HS3ST5: variants seen among roughly 807,000 people sequenced by gnomAD.
HS3ST5 encodes heparan sulfate glucosamine 3-O-sulfotransferase 5.
A neutral mutation model predicts 25.4 loss-of-function variants in HS3ST5; 10 were observed. That is an observed-to-expected ratio of 0.39 (90% CI 0.24 to 0.67). The LOEUF (loss-of-function observed/expected upper bound fraction) is 0.67. HS3ST5 is among the 30% of genes least tolerant of loss of function. The pLI is 0.44. For synonymous variants in HS3ST5, 170 were observed against 162.4 expected (o/e 1.05, Z -0.36); for missense variants, 324 against 420.7 (o/e 0.77, Z 2.01).
intron 2 of HS3ST5, among the ~76,000 whole-genome samples, chr6:114,184,718 G>C (rs1780136062): frequency 6.6e-6 from 1 of 152,240 alleles, no homozygotes; most frequent in African/African-American, 2.4e-5. Flanking sequence ...CTCCCTGCCA[G>C]GTAGAACCAT....
chr6:114,247,480 C>T (rs1205523630), intron 1 of HS3ST5, among the ~76,000 whole-genome samples: 1 of 151,982 alleles, frequency 6.6e-6, no homozygotes, highest in Non-Finnish European at 1.5e-5. Context: ...GAGACTAGTC[C>T]AAGAAACAAG....
intron 1 of HS3ST5, among the ~76,000 whole-genome samples, chr6:114,296,596 A>C (rs1056830541): frequency 2.6e-5 from 4 of 152,190 alleles, no homozygotes; most frequent in African/African-American, 9.7e-5. Context: ...TATTCATTTT[A>C]TCTTCAACAT....
At chr6:114,093,603 C>G (rs1169137650) in intron 3 of HS3ST5, among the ~76,000 whole-genome samples, 1 of 152,014 alleles carries the variant, frequency 6.6e-6, no homozygotes, top group African/African-American at 2.4e-5. Context: ...CATCTTTCTC[C>G]TTTTCTTTTC....
intron 3 of HS3ST5, among the ~76,000 whole-genome samples, chr6:114,140,727 T>A (rs1302789622): frequency 6.6e-6 from 1 of 152,198 alleles, no homozygotes; most frequent in Non-Finnish European, 1.5e-5. Flanking sequence ...TGCTCTGAGA[T>A]TGAGCCACAA....
At position 114,338,976 on chromosome 6, in the gene HS3ST5, A is replaced by T. The variant is rs185146826; in HGVS notation, c.-339+3219T>A. Among the ~76,000 whole-genome samples the T allele has an allele frequency of 1.7e-3, 265 of 152,268 alleles. 4 individuals carry two copies. The Middle Eastern group carries it at 0.054, about 31-fold the overall frequency. ...AAAGGATTTAAATGATTTGAAATCTATGGCTTAAACAATTTCCTTAACTTG... is the reference window on the plus strand; with the variant it reads ...AAAGGATTTAAATGATTTGAAATCTTTGGCTTAAACAATTTCCTTAACTTG... On this transcript the variant is annotated intron_variant, in intron 1 of 4. Transcript: ENST00000312719.
chr6:114,317,360 A>G (rs1211139929), intron 1 of HS3ST5, among the ~76,000 whole-genome samples: 1 of 152,122 alleles, frequency 6.6e-6, no homozygotes, highest in Non-Finnish European at 1.5e-5. Context: ...TAACAAGGGT[A>G]ATCGTTAACA....
In HS3ST5 at chr6:114,228,408, T is replaced by C. The variant is rs1027312272; in HGVS notation, c.-145+177A>G. 8.5e-5 allele frequency among the ~76,000 whole-genome samples: 13 copies of C among 152,340 alleles called. No homozygotes were observed. In the East Asian group the frequency reaches 1.5e-3, roughly 18 times the overall value. On this transcript the variant is annotated intron_variant, in intron 2 of 4. Coordinates refer to ENST00000312719, the MANE Select transcript of HS3ST5 (RefSeq NM_153612.4). ...CATTTACATGACAGATAACAATTTT[T>C]AAACATTATGTTTTATTTATTTCCC...
At chr6:114,341,099 C>T (rs954656360) in intron 1 of HS3ST5, among the ~76,000 whole-genome samples, 2 of 145,676 alleles carry the variant, frequency 1.4e-5, no homozygotes, top group Non-Finnish European at 1.5e-5. Flanking sequence ...AAATCTCTCC[C>T]CAGTGTTTTC....
intron 3 of HS3ST5, among the ~76,000 whole-genome samples, chr6:114,068,894 C>T (rs773040679): frequency 3.3e-5 from 5 of 152,234 alleles, no homozygotes; most frequent in African/African-American, 7.2e-5. Flanking sequence ...TTAACAGACA[C>T]GGTATCTTGG....
intron 1 of HS3ST5, among the ~76,000 whole-genome samples, chr6:114,302,417 C>T (rs1196420811): frequency 1.3e-5 from 2 of 152,040 alleles, no homozygotes; most frequent in Non-Finnish European, 2.9e-5. Flanking sequence ...TTCATTTCAC[C>T]ACCATGGCTA....
intron 3 of HS3ST5, among the ~76,000 whole-genome samples, chr6:114,143,428 T>A (rs563274601): frequency 1.3e-5 from 2 of 152,332 alleles, no homozygotes; most frequent in African/African-American, 4.8e-5. Context: ...GTGTTCTTTT[T>A]AGGAAGTTGT....
chr6:114,124,490 T>C (rs1248057858), intron 3 of HS3ST5, among the ~76,000 whole-genome samples: 3 of 152,082 alleles, frequency 2.0e-5, no homozygotes, highest in African/African-American at 7.2e-5. Flanking sequence ...ATACGTGAGG[T>C]TTTTGTGTTT....
In HS3ST5 at chr6:114,097,687, A is replaced by G. The variant is rs561821813; in HGVS notation, c.-32-34810T>C. Among the ~76,000 whole-genome samples the G allele has an allele frequency of 2.9e-5, 3 of 104,110 alleles. No homozygotes were observed. The South Asian group carries it at 1.1e-3, about 38-fold the overall frequency. 68.3% of individuals were successfully genotyped at this position (104,110 alleles called of 152,430 possible). On this transcript the variant is annotated intron_variant, in intron 3 of 4. Coordinates refer to ENST00000312719, the MANE Select transcript of HS3ST5 (RefSeq NM_153612.4). ...AAGTAATCAAAATTATTTTGGGGAT[A>G]GAAGATTTAGGGAATGAGAAAAGAA... is the stretch of plus-strand genomic sequence containing the variant.
chr6:114,312,484 T>C (rs1775571069), intron 1 of HS3ST5, among the ~76,000 whole-genome samples: 1 of 152,124 alleles, frequency 6.6e-6, no homozygotes, highest in Admixed American at 6.5e-5. Flanking sequence ...AAGGGTTTCT[T>C]AGATCAGAAA....
chr6:114,267,058 T>C (rs1217354824), intron 1 of HS3ST5, among the ~76,000 whole-genome samples: 1 of 152,140 alleles, frequency 6.6e-6, no homozygotes, highest in African/African-American at 2.4e-5. Context: ...ACATAGTCAC[T>C]TCTGACTTGA....
intron 1 of HS3ST5, among the ~76,000 whole-genome samples, chr6:114,253,040 G>A: frequency 6.6e-6 from 1 of 152,048 alleles, no homozygotes; most frequent in East Asian, 1.9e-4. Flanking sequence ...TAAAACTTAG[G>A]TGGGTGGGTA....
At chr6:114,185,015 A>G (rs1780150448) in intron 2 of HS3ST5, among the ~76,000 whole-genome samples, 1 of 152,164 alleles carries the variant, frequency 6.6e-6, no homozygotes, top group South Asian at 2.1e-4. Flanking sequence ...TTGCCTCAAG[A>G]TGAATCATTC....
At chr6:114,186,059 A>G (rs1167245619) in intron 2 of HS3ST5, among the ~76,000 whole-genome samples, 1 of 151,986 alleles carries the variant, frequency 6.6e-6, no homozygotes, top group Non-Finnish European at 1.5e-5. Flanking sequence ...TGACTGCTCC[A>G]ATCACTGGCC....
chr6:114,125,345 TA>T (rs1420350552), intron 3 of HS3ST5, among the ~76,000 whole-genome samples: 2 of 152,194 alleles, frequency 1.3e-5, no homozygotes, highest in African/African-American at 4.8e-5. Flanking sequence ...AAAGGTCACT[TA>T]AAAATGTTTG....
Sources: gnomAD v4.1 joint callset for allele counts (sites outside exome capture counted in the v4.1 genomes callset) on GRCh38, gnomAD v4.1.1 for gene constraint, MANE v1.5 for transcripts, NCBI Gene and HGNC (gene_info 2026-07-23, HGNC 2026-07-21) for gene names.